The following UBR1 variants were observed in gnomAD, a reference collection of about 807,000 sequenced individuals.
UBR1 encodes the protein E3 ubiquitin-protein ligase UBR1.
A neutral mutation model predicts 242.1 loss-of-function variants in UBR1; 102 were observed. The ratio of observed to expected loss-of-function variants is 0.42; its 90% CI spans 0.36 to 0.50. The LOEUF is 0.50. Ranked by LOEUF, UBR1 falls within the 20% of genes least tolerant of loss-of-function variation. The probability of loss-of-function intolerance (pLI) is 0.01; values close to 1 mark genes in which losing one functional copy is unlikely to be tolerated. For synonymous variants in UBR1, 675 were observed against 684.8 expected (o/e 0.99, Z 0.22); for missense variants, 1,772 against 2,101.8 (o/e 0.84, Z 3.07).
intron 21 of UBR1, among the ~76,000 whole-genome samples, chr15:43,029,731 G>T (rs1020437379): frequency 6.6e-6 from 1 of 151,936 alleles, no homozygotes; most frequent in Non-Finnish European, 1.5e-5. Context: ...TTTTTCCTCT[G>T]GAGTAATCTT....
intron 2 of UBR1, among the ~76,000 whole-genome samples, chr15:43,083,307 A>T (rs1231108781): frequency 1.3e-5 from 2 of 152,224 alleles, no homozygotes; most frequent in Non-Finnish European, 2.9e-5. Flanking sequence ...TCTTAAATGC[A>T]TTGTTTTATT....
chr15:43,064,583 T>C (rs2033730120), intron 6 of UBR1, among the ~76,000 whole-genome samples: 1 of 151,632 alleles, frequency 6.6e-6, no homozygotes, highest in Non-Finnish European at 1.5e-5. Context: ...ACATCTTTTT[T>C]TTTTTTTTTT....
At chr15:42,945,708 T>C (rs1314138608) in intron 46 of UBR1, among the ~76,000 whole-genome samples, 2 of 152,210 alleles carry the variant, frequency 1.3e-5, no homozygotes, top group African/African-American at 4.8e-5. Context: ...AGGTATATTA[T>C]GGCATTATGG....
rs189558211 is a variant in UBR1, at chr15:43,018,996, A to G, written c.2941-1815T>C. Among the ~76,000 whole-genome samples the G allele has an allele frequency of 6.6e-5, 10 of 152,342 alleles. No homozygotes were observed. The East Asian group carries it at 1.9e-3, about 29-fold the overall frequency. ...TTTGATTTTATAATCTTAAAATAAT[A>G]TTGGCTAGTTTAACACAAATACTAC... On this transcript the variant is annotated intron_variant, in intron 27 of 46. Transcript: ENST00000290650.
At chr15:42,969,973 C>T (rs931875524) in intron 40 of UBR1, among the ~76,000 whole-genome samples, 11 of 152,150 alleles carry the variant, frequency 7.2e-5, no homozygotes, top group Admixed American at 6.5e-4. Flanking sequence ...TGACTTTCTT[C>T]ACAGAATTAG....
intron 32 of UBR1, among the ~76,000 whole-genome samples, chr15:42,999,236 A>G (rs958639977): frequency 6.6e-6 from 1 of 152,092 alleles, no homozygotes; most frequent in African/African-American, 2.4e-5. Context: ...ACCACACCCA[A>G]CCGAGCCTTT....
intron 37 of UBR1, among the ~76,000 whole-genome samples, chr15:42,981,295 A>C (rs923946435): frequency 6.6e-6 from 1 of 152,062 alleles, no homozygotes; most frequent in Non-Finnish European, 1.5e-5. Context: ...CTCCTATCAA[A>C]CCTATCTACT....
intron 43 of UBR1, 85 bp downstream of exon 43, chr15:42,960,560 G>A (rs976429516): frequency 1.4e-5 from 19 of 1,339,616 alleles, no homozygotes; most frequent in East Asian, 4.8e-5. Context: ...GAAGAAAGCA[G>A]ACTAGAAACT....
At chr15:43,082,770 C>A in intron 2 of UBR1, 54 bp from the exon 3 acceptor site, 2 of 1,272,878 alleles carry the variant, frequency 1.6e-6, no homozygotes, top group African/African-American at 1.5e-5. Flanking sequence ...CACTGATGCT[C>A]AAGGTATGAC....
rs2033357960 is a variant in UBR1, at chr15:43,037,890, T to C, written c.1912-7A>G. 5 of 1,608,302 alleles carry C rather than the reference T, an allele frequency of 3.1e-6. No individual in the cohort carries two copies. Among genetic ancestry groups the C allele is most frequent in the Non-Finnish European group, 4.3e-6 (5 of 1,175,488 alleles). ...CCTCTACTTGAAAGTCCTCCTGAAA[T>C]AGAGTGAGTTCAATTTTATCATTTC... is the stretch of plus-strand genomic sequence containing the variant. On this transcript the variant is annotated splice_polypyrimidine_tract_variant and splice_region_variant and intron_variant, in intron 16 of 46. Coordinates refer to ENST00000290650, the MANE Select transcript of UBR1 (RefSeq NM_174916.3).
intron 30 of UBR1, 48 bp from the exon 31 acceptor site, chr15:43,003,978 G>C (rs774534042): frequency 1.3e-6 from 2 of 1,528,134 alleles, no homozygotes; most frequent in Non-Finnish European, 1.8e-6. Flanking sequence ...AGGTTATCAG[G>C]TCCAAAGTCT....
intron 31 of UBR1, among the ~76,000 whole-genome samples, chr15:43,003,581 C>G (rs2032759731): frequency 6.6e-6 from 1 of 152,126 alleles, no homozygotes; most frequent in South Asian, 2.1e-4. Flanking sequence ...TACATGAATA[C>G]TGATGAAGAG....
chr15:43,089,317 C>T lies in UBR1; in HGVS notation c.82-3077G>A, dbSNP rs554888190. On this transcript the variant is annotated intron_variant, in intron 1 of 46. Transcript: ENST00000290650. Reference sequence around the variant, plus strand: ...ACCATCCTCACTAACATGGTGAAACCCCATCTCTGCTAAAAATACAAAACA... The same window carrying T: ...ACCATCCTCACTAACATGGTGAAACTCCATCTCTGCTAAAAATACAAAACA... Among the ~76,000 whole-genome samples, 34 of 152,086 alleles carry T rather than the reference C, an allele frequency of 2.2e-4. No individual in the cohort carries two copies. In the South Asian group the frequency reaches 6.4e-3, roughly 29 times the overall value.
At chr15:43,076,475 C>A (rs529277739) in intron 3 of UBR1, among the ~76,000 whole-genome samples, 1 of 151,802 alleles carries the variant, frequency 6.6e-6, no homozygotes, top group African/African-American at 2.4e-5. Flanking sequence ...CTCTTCCCCG[C>A]CGCCATCCCA....
chr15:43,063,963 C>T (rs2033718552), intron 6 of UBR1, among the ~76,000 whole-genome samples: 2 of 152,120 alleles, frequency 1.3e-5, no homozygotes, highest in South Asian at 4.1e-4. Context: ...CTCAAACTCC[C>T]GACCTCAGGA....
chr15:43,041,404 G>A (rs2033415752), intron 15 of UBR1, among the ~76,000 whole-genome samples: 1 of 152,002 alleles, frequency 6.6e-6, no homozygotes, highest in Admixed American at 6.6e-5. Context: ...GAGAACACCT[G>A]GACACAAGAA....
chr15:42,953,781 T>C (rs2031871913), intron 44 of UBR1, among the ~76,000 whole-genome samples: 1 of 152,104 alleles, frequency 6.6e-6, no homozygotes, highest in South Asian at 2.1e-4. Flanking sequence ...CATTCTTATG[T>C]GAAATCATAA....
rs1215555081 is a variant in UBR1 at position 43,037,800 on chromosome 15, T to G, written c.1995A>C (p.Arg665=). The G allele has an allele frequency of 6.2e-7, 1 of 1,614,024 alleles. No individual in the cohort carries two copies. The highest frequency in any genetic ancestry group is 2.2e-5 in the East Asian group (1 of 44,884). ...GGCTAATAAGAGACAGTCCATTTCT[T>G]CGCCACATCTCAGCAACAACCTGGG... ...LVAQVVAEMW[R]RNGLSLISQV... The change falls in exon 17 of 47, where the codon CGA becomes CGC. Residue 665 remains arginine, a synonymous_variant. Transcript: ENST00000290650.
chr15:43,062,439 G>A (rs1253849336), intron 6 of UBR1, among the ~76,000 whole-genome samples: 1 of 152,106 alleles, frequency 6.6e-6, no homozygotes, highest in African/African-American at 2.4e-5. Context: ...AGGGGATAGA[G>A]GGAGGGGAAA....
Sources: gnomAD v4.1 joint callset for allele counts (sites outside exome capture counted in the v4.1 genomes callset) on GRCh38, gnomAD v4.1.1 for gene constraint, MANE v1.5 for transcripts, NCBI Gene and HGNC (gene_info 2026-07-23, HGNC 2026-07-21) for gene names.